SLC5A11: variants seen among roughly 807,000 people sequenced by gnomAD.
SLC5A11 encodes the protein sodium/myo-inositol cotransporter 2.
In SLC5A11, 48 loss-of-function variants were observed where a neutral mutation model predicts 69.8. That is an observed-to-expected ratio of 0.69 (90% CI 0.55 to 0.87). The LOEUF (loss-of-function observed/expected upper bound fraction) is 0.87. Among genes scored for constraint, SLC5A11 ranks in the 40% least tolerant of loss-of-function variants. The probability of loss-of-function intolerance (pLI) is 0.00; values close to 1 mark genes in which losing one functional copy is unlikely to be tolerated. For missense variants in SLC5A11, 784 were observed against 866.1 expected, an observed-to-expected ratio of 0.91 and a Z score of 1.19; for synonymous variants, 319 against 342.4, an observed-to-expected ratio of 0.93 and a Z score of 0.75.
chr16:24,862,537 C>T (rs1279602626), intron 2 of SLC5A11, 64 bp from the exon 4 acceptor site: 10 of 1,410,092 alleles, frequency 7.1e-6, no homozygotes, highest in South Asian at 1.2e-5. Context: ...CTGGCCTAGG[C>T]CATTTTGAGA....
intron 2 of SLC5A11, 76 bp from the exon 4 acceptor site, chr16:24,862,525 G>T (rs2046636526): frequency 1.6e-6 from 2 of 1,248,296 alleles, no homozygotes; most frequent in African/African-American, 1.5e-5. Flanking sequence ...TGCAATCCCT[G>T]CCTGGCCTAG....
intron 4 of SLC5A11, among the ~76,000 whole-genome samples, chr16:24,870,781 C>CCAA (rs2047242737): frequency 1.5e-5 from 1 of 66,546 alleles, no homozygotes; most frequent in Non-Finnish European, 2.7e-5. Flanking sequence ...CTCTGTCTCA[C>CCAA]AAAAAAAAAA....
chr16:24,909,168 C>T, intron 14 of SLC5A11, 72 bp downstream of exon 15: 2 of 1,510,976 alleles, frequency 1.3e-6, no homozygotes, highest in South Asian at 1.2e-5. Flanking sequence ...CTCAAACTGA[C>T]TTAAGCGAAG....
intron 14 of SLC5A11, among the ~76,000 whole-genome samples, chr16:24,909,370 T>C (rs2050321577): frequency 6.6e-6 from 1 of 152,128 alleles, no homozygotes; most frequent in African/African-American, 2.4e-5. Context: ...TGGGGTGCGG[T>C]GGCTCATGCC....
chr16:24,910,517 C>T lies in SLC5A11; in HGVS notation c.1822+40C>T, dbSNP rs147448040. 941 of 1,569,772 alleles carry T rather than the reference C, an allele frequency of 6.0e-4. 4 individuals are homozygous for T. In the African/African-American group the frequency reaches 9.0e-3, roughly 15 times the overall value. ...TCCTCAGTTACAGCAAGAAGGAGTA[C>T]GTGTTAAAGGGATTGATTTTTTTTT... On this transcript the variant is annotated intron_variant, in intron 15 of 15. Transcript: ENST00000347898.
At chr16:24,861,573 GAAAGAA>G (rs1195926423) in intron 2 of SLC5A11, among the ~76,000 whole-genome samples, 2 of 140,370 alleles carry the variant, frequency 1.4e-5, no homozygotes, top group Non-Finnish European at 3.1e-5. Flanking sequence ...GAAAGAGAGA[GAAAGAA>G]AGAGAAAGAG....
chr16:24,848,631 G>T (rs2059131107), intron 1 of SLC5A11, among the ~76,000 whole-genome samples: 1 of 151,934 alleles, frequency 6.6e-6, no homozygotes, highest in Non-Finnish European at 1.5e-5. Context: ...AATTAGCTAG[G>T]CATGTTGGCA....
intron 10 of SLC5A11, among the ~76,000 whole-genome samples, chr16:24,901,931 TACACACAC>T (rs749172893): frequency 3.0e-4 from 41 of 138,030 alleles, no homozygotes; most frequent in Admixed American, 8.0e-4. Context: ...GAAAAAAAAA[TACACACAC>T]ACACACACAC....
chr16:24,877,591 C>T (rs28610459), intron 7 of SLC5A11, among the ~76,000 whole-genome samples: 4,329 of 152,212 alleles, frequency 0.028, 194 homozygotes, highest in African/African-American at 0.096. Context: ...GGCTCATGCC[C>T]GTAATCCCAG....
chr16:24,864,408 G>T (rs1316441838), intron 3 of SLC5A11, among the ~76,000 whole-genome samples: 1 of 152,192 alleles, frequency 6.6e-6, no homozygotes. Flanking sequence ...ACATGATAAA[G>T]AATTCAGACT....
intron 3 of SLC5A11, among the ~76,000 whole-genome samples, chr16:24,867,844 A>G (rs552036714): frequency 1.5e-3 from 229 of 152,270 alleles, no homozygotes; most frequent in Middle Eastern, 3.4e-3. Flanking sequence ...TATCTATAAA[A>G]AGTAAAGACA....
chr16:24,874,451 G>C (rs1171142053), intron 5 of SLC5A11, among the ~76,000 whole-genome samples: 1 of 152,192 alleles, frequency 6.6e-6, no homozygotes, highest in Non-Finnish European at 1.5e-5. Flanking sequence ...CCCACCAGCA[G>C]TGTATGAAAA....
At chr16:24,852,147 C>T (rs2059341046) in intron 1 of SLC5A11, among the ~76,000 whole-genome samples, 1 of 152,082 alleles carries the variant, frequency 6.6e-6, no homozygotes, top group East Asian at 1.9e-4. Context: ...GTTTATTTCC[C>T]TCCTTTTTCT....
intron 8 of SLC5A11, among the ~76,000 whole-genome samples, chr16:24,887,866 G>T (rs937956623): frequency 6.6e-6 from 1 of 152,056 alleles, no homozygotes; most frequent in Non-Finnish European, 1.5e-5. Flanking sequence ...AGCGATAAAC[G>T]GGGGATAAGT....
intron 1 of SLC5A11, among the ~76,000 whole-genome samples, chr16:24,852,554 A>G (rs763871601): frequency 1.1e-4 from 16 of 152,088 alleles, no homozygotes; most frequent in Non-Finnish European, 1.9e-4. Flanking sequence ...ACAAGAGGTG[A>G]AGAAGGAGCC....
chr16:24,871,948 G>T (rs958525847), intron 4 of SLC5A11, among the ~76,000 whole-genome samples: 1 of 152,058 alleles, frequency 6.6e-6, no homozygotes, highest in East Asian at 1.9e-4. Context: ...CATCGCAAAG[G>T]CCTTCTTTTT....
intron 1 of SLC5A11, among the ~76,000 whole-genome samples, chr16:24,854,995 C>T (rs2059465203): frequency 6.6e-6 from 1 of 151,808 alleles, no homozygotes; most frequent in Non-Finnish European, 1.5e-5. Flanking sequence ...GTGGCAAGGT[C>T]TTGCTCTGCC....
intron 12 of SLC5A11, 78 bp from the exon 14 acceptor site, chr16:24,907,885 A>G (rs1189902678): frequency 6.4e-7 from 1 of 1,559,002 alleles, no homozygotes. Flanking sequence ...GACCCTGTCT[A>G]TTAAAAGAGA....
Position 24,908,143 on chromosome 16 carries a change from T to C in SLC5A11, c.1434+12T>C. The C allele has an allele frequency of 5.1e-6, 8 of 1,567,124 alleles. No individual in the cohort carries two copies. The highest frequency in any genetic ancestry group is 6.9e-6 in the Non-Finnish European group (8 of 1,157,902). ...GGACCAATGAAAAGGTAGCTCTGGA[T>C]GGCTCCCACTATGCCAGAACCAAGT... is the stretch of plus-strand genomic sequence containing the variant. On this transcript the variant is annotated intron_variant, in intron 13 of 15. Transcript: ENST00000347898.
Sources: gnomAD v4.1 joint callset for allele counts (sites outside exome capture counted in the v4.1 genomes callset) on GRCh38, gnomAD v4.1.1 for gene constraint, MANE v1.5 for transcripts, NCBI Gene and HGNC (gene_info 2026-07-23, HGNC 2026-07-21) for gene names.